PCBP3: variants seen among roughly 807,000 people sequenced by gnomAD.
PCBP3 encodes the protein poly(rC) binding protein 3, also known as poly(rC)-binding protein 3.
Under a neutral mutation model 52.7 loss-of-function variants are expected in PCBP3, and 25 were observed. The ratio of observed to expected loss-of-function variants is 0.47; its 90% CI spans 0.35 to 0.66. The LOEUF is 0.66. PCBP3 is among the 30% of genes least tolerant of loss of function. The pLI is 0.01. For synonymous variants in PCBP3, 162 were observed against 183.0 expected (o/e 0.89, Z 0.93); for missense variants, 391 against 490.3 (o/e 0.80, Z 1.91).
At position 45,891,730 on chromosome 21, in the gene PCBP3, C is replaced by T. The variant is rs1475729689; in HGVS notation, c.11-4478C>T. On this transcript the variant is annotated intron_variant, in intron 5 of 17. Transcript: ENST00000681687. Reference sequence around the variant, plus strand: ...AACCATCAATGATACCTTTAAAAGGCCATGACACCACATTACACACGCAAG... The same window carrying T: ...AACCATCAATGATACCTTTAAAAGGTCATGACACCACATTACACACGCAAG... Among the ~76,000 whole-genome samples the T allele has an allele frequency of 2.6e-5, 4 of 152,216 alleles. No homozygotes were observed. In the East Asian group the frequency reaches 5.8e-4, roughly 22 times the overall value.
At chr21:45,778,184 A>C (rs769360364) in intron 4 of PCBP3, among the ~76,000 whole-genome samples, 3 of 152,080 alleles carry the variant, frequency 2.0e-5, no homozygotes, top group Non-Finnish European at 4.4e-5. Flanking sequence ...TTTGTCTGTA[A>C]ACAGCATTGG....
intron 16 of PCBP3, among the ~76,000 whole-genome samples, chr21:45,936,565 G>C (rs1268202854): frequency 6.6e-6 from 1 of 152,212 alleles, no homozygotes. Flanking sequence ...TTCTTGGAGG[G>C]AGGGGATTTT....
intron 4 of PCBP3, among the ~76,000 whole-genome samples, chr21:45,820,329 T>C (rs2093094472): frequency 6.6e-6 from 1 of 152,236 alleles, no homozygotes; most frequent in Admixed American, 6.5e-5. Context: ...CCTGGCCCCA[T>C]GGGCCCCATT....
intron 16 of PCBP3, among the ~76,000 whole-genome samples, chr21:45,939,197 C>T (rs2077191414): frequency 6.6e-6 from 1 of 152,256 alleles, no homozygotes. Context: ...GGCCACGTCT[C>T]TTTCCTGTCC....
At chr21:45,767,514 TG>T (rs936902954) in intron 4 of PCBP3, among the ~76,000 whole-genome samples, 1 of 152,254 alleles carries the variant, frequency 6.6e-6, no homozygotes, top group African/African-American at 2.4e-5. Context: ...TACAAGTTTT[TG>T]TTTGACACCT....
chr21:45,659,386 A>G (rs1010767556), intron 1 of PCBP3, among the ~76,000 whole-genome samples: 5 of 122,462 alleles, frequency 4.1e-5, no homozygotes, highest in African/African-American at 1.6e-4. Context: ...TCTGACACCC[A>G]GGCTAAAGTG....
intron 2 of PCBP3, among the ~76,000 whole-genome samples, chr21:45,698,206 A>G (rs1233153423): frequency 6.6e-6 from 1 of 152,202 alleles, no homozygotes; most frequent in East Asian, 1.9e-4. Context: ...AGGCTGAGGT[A>G]CCATCCTCTT....
At chr21:45,728,021 T>G (rs2085184569) in intron 2 of PCBP3, among the ~76,000 whole-genome samples, 1 of 152,230 alleles carries the variant, frequency 6.6e-6, no homozygotes, top group Admixed American at 6.5e-5. Flanking sequence ...GTTCTTTGGC[T>G]GGTTTATTTC....
At chr21:45,705,802 A>G (rs1190401971) in intron 2 of PCBP3, among the ~76,000 whole-genome samples, 1 of 152,148 alleles carries the variant, frequency 6.6e-6, no homozygotes, top group Non-Finnish European at 1.5e-5. Context: ...TTGTACAGAA[A>G]TGGTCTGTGG....
rs951794844 is a variant in PCBP3, at chr21:45,904,443, G to A, written c.339+3330G>A. On this transcript the variant is annotated intron_variant, in intron 9 of 17. Coordinates refer to ENST00000681687, the MANE Select transcript of PCBP3 (RefSeq NM_001384156.1). The surrounding 1 kb of genome is among the most constrained non-coding windows in gnomAD (Gnocchi z 4.8). ...AAGACTGTGGATGCTCAGGAAGCTC[G>A]AGGGATTTGGAGTTTTCATCTTTTG... Among the ~76,000 whole-genome samples, 1 of 151,822 alleles carries A rather than the reference G, an allele frequency of 6.6e-6. No homozygotes were observed. Among genetic ancestry groups the A allele is most frequent in the African/African-American group, 2.4e-5 (1 of 41,294 alleles).
At chr21:45,912,862 C>T (rs1355966948) in intron 11 of PCBP3, among the ~76,000 whole-genome samples, 2 of 152,160 alleles carry the variant, frequency 1.3e-5, no homozygotes, top group Non-Finnish European at 2.9e-5. Flanking sequence ...CCCCACATCC[C>T]CTTCCCCACA....
At chr21:45,672,486 G>A (rs2081233634) in intron 2 of PCBP3, among the ~76,000 whole-genome samples, 1 of 151,950 alleles carries the variant, frequency 6.6e-6, no homozygotes, top group African/African-American at 2.4e-5. Context: ...TTAGGCTCAT[G>A]TTTCTTTGGC....
chr21:45,788,847 C>T lies in PCBP3; in HGVS notation c.-126+33395C>T, dbSNP rs1303251052. ...TCTATGCAGAATGTTAATGACTCAC[C>T]AGTCACAGGGCAGTTCTCCTCAGGT... is the stretch of plus-strand genomic sequence containing the variant. On this transcript the variant is annotated intron_variant, in intron 4 of 17. Transcript: ENST00000681687. The surrounding 1 kb of genome is among the most constrained non-coding windows in gnomAD (Gnocchi z 4.3). 1 of 152,168 alleles carries T rather than the reference C, an allele frequency of 6.6e-6. No homozygotes were observed. The highest frequency in any genetic ancestry group is 1.5e-5 in the Non-Finnish European group (1 of 68,030). The allele number at this position is 152,168 out of a possible 1,614,324, so 9.4% of individuals were successfully genotyped here.
chr21:45,720,993 C>A (rs990328376), intron 2 of PCBP3, among the ~76,000 whole-genome samples: 1 of 152,266 alleles, frequency 6.6e-6, no homozygotes, highest in Non-Finnish European at 1.5e-5. Context: ...CTGCCCTGTG[C>A]TGCCCCAGAT....
At chr21:45,715,651 G>T (rs1399833860) in intron 2 of PCBP3, among the ~76,000 whole-genome samples, 1 of 152,212 alleles carries the variant, frequency 6.6e-6, no homozygotes, top group African/African-American at 2.4e-5. Flanking sequence ...ACTTGTTATT[G>T]TCTGTCTTTT....
At chr21:45,768,333 T>C (rs1171362419) in intron 4 of PCBP3, among the ~76,000 whole-genome samples, 2 of 152,228 alleles carry the variant, frequency 1.3e-5, no homozygotes, top group Non-Finnish European at 2.9e-5. Context: ...CTCTCACGTC[T>C]GTTATATTGT....
chr21:45,671,019 A>T (rs2081137900), intron 2 of PCBP3, among the ~76,000 whole-genome samples: 1 of 152,148 alleles, frequency 6.6e-6, no homozygotes, highest in South Asian at 2.1e-4. Flanking sequence ...CTTCTCAGCC[A>T]TGTTGGCCCA....
chr21:45,860,057 G>A (rs1372975042), intron 5 of PCBP3, among the ~76,000 whole-genome samples: 1 of 152,180 alleles, frequency 6.6e-6, no homozygotes, highest in Non-Finnish European at 1.5e-5. Flanking sequence ...CACCTGGATT[G>A]GAAGGTTCTT....
chr21:45,749,431 A>T (rs764298545), intron 3 of PCBP3: 1 of 152,162 alleles, frequency 6.6e-6, no homozygotes, highest in Admixed American at 6.5e-5. Context: ...ATGGCATTGG[A>T]CTTGGCACAG....
Sources: allele counts gnomAD v4.1 joint callset (sites outside exome capture counted in the v4.1 genomes callset), GRCh38; gene constraint gnomAD v4.1.1; non-coding constraint Gnocchi (gnomAD v3.1); transcripts MANE v1.5; gene names NCBI Gene and HGNC (gene_info 2026-07-23, HGNC 2026-07-21).